NFS1: variants seen among roughly 807,000 people sequenced by gnomAD.
NFS1 encodes NFS1 cysteine desulfurase.
Under a neutral mutation model 57.3 loss-of-function variants are expected in NFS1, and 26 were observed. The observed-to-expected ratio is 0.45, with a 90% CI of 0.33 to 0.63. The LOEUF (loss-of-function observed/expected upper bound fraction) is 0.63, where lower values mean the gene tolerates loss of function less well. Ranked by LOEUF, NFS1 falls within the 20% of genes least tolerant of loss-of-function variation. The probability of loss-of-function intolerance (pLI) is 0.02; values close to 1 mark genes in which losing one functional copy is unlikely to be tolerated. For synonymous variants in NFS1, 209 were observed against 216.3 expected, an observed-to-expected ratio of 0.97 and a Z score of 0.30; for missense variants, 505 against 605.8, an observed-to-expected ratio of 0.83 and a Z score of 1.75.
At chr20:35,684,752 A>G (rs2034910672) in intron 5 of NFS1, among the ~76,000 whole-genome samples, 1 of 151,774 alleles carries the variant, frequency 6.6e-6, no homozygotes, top group Non-Finnish European at 1.5e-5. Flanking sequence ...TCCCATCTCA[A>G]TAAAAAATAA....
chr20:35,690,341 C>T, intron 5 of NFS1, 72 bp downstream of exon 5: 3 of 1,466,922 alleles, frequency 2.0e-6, no homozygotes, highest in Non-Finnish European at 1.9e-6. Flanking sequence ...CCAGCTAGGG[C>T]CCAAGAGAGA....
At chr20:35,696,589 T>C in intron 3 of NFS1, 129 bp from the exon 4 acceptor site, 1 of 646,824 alleles carries the variant, frequency 1.5e-6, no homozygotes, top group Non-Finnish European at 2.8e-6. Context: ...TGGATGAAGG[T>C]CTGCACCTAC....
intron 6 of NFS1, 43 bp from the exon 7 acceptor site, chr20:35,680,914 G>A: frequency 7.0e-7 from 1 of 1,425,092 alleles, no homozygotes; most frequent in Non-Finnish European, 9.2e-7. Flanking sequence ...ATGTTGGAAA[G>A]TCATCTGTCA....
At chr20:35,676,930 G>A (rs1361364052) in intron 7 of NFS1, among the ~76,000 whole-genome samples, 1 of 151,808 alleles carries the variant, frequency 6.6e-6, no homozygotes, top group South Asian at 2.1e-4. Flanking sequence ...GCAATGGCAC[G>A]GTCTCAGCTC....
intron 7 of NFS1, among the ~76,000 whole-genome samples, chr20:35,678,099 C>T (rs998737925): frequency 2.0e-5 from 3 of 151,896 alleles, no homozygotes; most frequent in Non-Finnish European, 4.4e-5. Context: ...CCTGTATTCC[C>T]AGCACCTTGG....
chr20:35,688,685 G>A (rs2034987428), intron 5 of NFS1, among the ~76,000 whole-genome samples: 1 of 151,310 alleles, frequency 6.6e-6, no homozygotes, highest in South Asian at 2.1e-4. Context: ...CTCCAGCCTG[G>A]ACAACTCAGC....
intron 5 of NFS1, among the ~76,000 whole-genome samples, chr20:35,688,330 G>A (rs1022508658): frequency 6.6e-6 from 1 of 151,430 alleles, no homozygotes; most frequent in Non-Finnish European, 1.5e-5. Flanking sequence ...CAAGACGGGT[G>A]GATCATTTGA....
In NFS1 at chr20:35,673,701, G is replaced by GA; in HGVS notation, c.1137-18dup. On this transcript the variant is annotated splice_polypyrimidine_tract_variant and intron_variant, in intron 10 of 12. Coordinates refer to ENST00000374092, the MANE Select transcript of NFS1 (RefSeq NM_021100.5). ...GTGCAGGCACTGAGGAGAGAGACACGAACCTTGTTCAGTTCATCATCAACG... is the reference window on the plus strand; with the variant it reads ...GTGCAGGCACTGAGGAGAGAGACACGAAACCTTGTTCAGTTCATCATCAACG... 1 of 1,602,934 alleles carries GA rather than the reference G, an allele frequency of 6.2e-7. No individual in the cohort carries two copies. The highest frequency in any genetic ancestry group is 8.5e-7 in the Non-Finnish European group (1 of 1,170,338).
At chr20:35,689,423 G>T (rs985229549) in intron 5 of NFS1, among the ~76,000 whole-genome samples, 4 of 151,956 alleles carry the variant, frequency 2.6e-5, no homozygotes, top group South Asian at 4.2e-4. Context: ...AGGAGTTCGA[G>T]ACCAGCCTGG....
At chr20:35,679,472 G>A (rs1316954471) in intron 7 of NFS1, among the ~76,000 whole-genome samples, 1 of 152,148 alleles carries the variant, frequency 6.6e-6, no homozygotes, top group East Asian at 1.9e-4. Context: ...GTAAGCCACC[G>A]TGCCCAGCCC....
intron 11 of NFS1, among the ~76,000 whole-genome samples, chr20:35,673,315 G>T (rs565806000): frequency 7.9e-5 from 12 of 151,350 alleles, no homozygotes; most frequent in African/African-American, 2.4e-4. Context: ...CATGATCTAC[G>T]GACCACCAAC....
At position 35,668,472 on chromosome 20, in the gene NFS1, C is replaced by G. The variant is rs1036806582; in HGVS notation, c.*1150G>C. 9.2e-5 allele frequency: 14 copies of G among 152,230 alleles called. No individual in the cohort carries two copies. The highest frequency in any genetic ancestry group is 1.5e-4 in the Non-Finnish European group (10 of 68,048). The allele number at this position is 152,230 out of a possible 1,614,324, so 9.4% of individuals were successfully genotyped here. A position where few individuals can be genotyped will look rare whatever the true frequency, so the allele number is the denominator to read the frequency against. On this transcript the variant is annotated 3_prime_UTR_variant, in exon 13 of 13. Coordinates refer to ENST00000374092, the MANE Select transcript of NFS1 (RefSeq NM_021100.5). ...ACCCACAAATGAAAAGCTCTAGTTA[C>G]AATGGCCTTCTCTTGGTTTCTAAAG...
At chr20:35,683,730 C>CAACACTGT (rs2034889812) in intron 5 of NFS1, among the ~76,000 whole-genome samples, 2 of 138,744 alleles carry the variant, frequency 1.4e-5, no homozygotes. Context: ...TGCAGTGAGC[C>CAACACTGT]GAGATTGCAC....
At chr20:35,684,193 G>T (rs992956780) in intron 5 of NFS1, among the ~76,000 whole-genome samples, 2 of 150,860 alleles carry the variant, frequency 1.3e-5, no homozygotes, top group Non-Finnish European at 3.0e-5. Context: ...GGATCACAAG[G>T]TCAGGAGAGC....
chr20:35,691,236 T>C (rs922297124), intron 4 of NFS1, among the ~76,000 whole-genome samples: 2 of 152,180 alleles, frequency 1.3e-5, no homozygotes, highest in Non-Finnish European at 2.9e-5. Context: ...AGTTCTACTC[T>C]ATATTATTGG....
chr20:35,670,681 C>G (rs1404695065), intron 12 of NFS1, among the ~76,000 whole-genome samples: 3 of 152,046 alleles, frequency 2.0e-5, no homozygotes, highest in Admixed American at 6.6e-5. Flanking sequence ...TGTAAAGGGT[C>G]AGAAGGAATA....
chr20:35,671,785 G>A (rs2146409900), intron 12 of NFS1, among the ~76,000 whole-genome samples: 1 of 151,740 alleles, frequency 6.6e-6, no homozygotes, highest in Admixed American at 6.6e-5. Context: ...AGCTACTTGG[G>A]AGGCTGAGGT....
intron 4 of NFS1, 134 bp from the exon 5 acceptor site, chr20:35,690,699 C>A: frequency 1.2e-6 from 1 of 849,044 alleles, no homozygotes. Context: ...ACTGAGTATC[C>A]TATAATTCAA....
Position 35,699,149 on chromosome 20 carries a change from G to A in NFS1, c.97+43C>T. 7.3e-7 allele frequency: 1 copy of A among 1,376,504 alleles called. No individual in the cohort carries two copies. The highest frequency in any genetic ancestry group is 9.3e-7 in the Non-Finnish European group (1 of 1,072,734). The allele number at this position is 1,376,504 out of a possible 1,614,324, so 85.3% of individuals were successfully genotyped here. ...ATATTCAGTTGCGTCGCCGCGCGGAGGGGACAGGTCCGCGCCTCCCGGAGA... is the reference window on the plus strand; with the variant it reads ...ATATTCAGTTGCGTCGCCGCGCGGAAGGGACAGGTCCGCGCCTCCCGGAGA... On this transcript the variant is annotated intron_variant, in intron 1 of 12. Coordinates refer to ENST00000374092, the MANE Select transcript of NFS1 (RefSeq NM_021100.5). This position sits in a 1 kb window ranked among gnomAD's most constrained non-coding sequence, Gnocchi z 4.4.
Sources: gnomAD v4.1 joint callset for allele counts (sites outside exome capture counted in the v4.1 genomes callset) on GRCh38, gnomAD v4.1.1 for gene constraint, Gnocchi (gnomAD v3.1) non-coding constraint, MANE v1.5 for transcripts, NCBI Gene and HGNC (gene_info 2026-07-23, HGNC 2026-07-21) for gene names.